The following DCAF5 variants were observed in gnomAD, a reference collection of about 807,000 sequenced individuals.
The protein encoded by DCAF5 is DDB1- and CUL4-associated factor 5.
DCAF5 carries 9 observed loss-of-function variants against 80.7 expected under a neutral mutation model. The ratio of observed to expected loss-of-function variants is 0.11; its 90% CI spans 0.07 to 0.19. The LOEUF (loss-of-function observed/expected upper bound fraction) is 0.19. DCAF5 is among the 10% of genes least tolerant of loss of function. The pLI is 1.00. For missense variants in DCAF5, 842 were observed against 1,205.7 expected, an observed-to-expected ratio of 0.70 and a Z score of 4.47; for synonymous variants, 433 against 461.9, an observed-to-expected ratio of 0.94 and a Z score of 0.80.
intron 5 of DCAF5, among the ~76,000 whole-genome samples, chr14:69,102,279 T>G (rs1343037195): frequency 1.3e-5 from 2 of 151,916 alleles, no homozygotes; most frequent in Admixed American, 1.3e-4. Flanking sequence ...CGGCTAATTT[T>G]TGTATTTTTA....
intron 1 of DCAF5, among the ~76,000 whole-genome samples, chr14:69,127,235 C>A (rs963491870): frequency 7.9e-5 from 12 of 152,182 alleles, no homozygotes; most frequent in Non-Finnish European, 1.2e-4. Context: ...TTAGAAGCAA[C>A]CAAGATGTCC....
At chr14:69,071,772 G>A (rs2038701566) in intron 7 of DCAF5, among the ~76,000 whole-genome samples, 2 of 152,172 alleles carry the variant, frequency 1.3e-5, no homozygotes, top group Admixed American at 1.3e-4. Flanking sequence ...GATGCATCCA[G>A]CCCACAGATA....
intron 5 of DCAF5, 116 bp from the exon 6 acceptor site, chr14:69,092,003 A>G: frequency 1.2e-6 from 1 of 852,654 alleles, no homozygotes; most frequent in Non-Finnish European, 1.8e-6. Flanking sequence ...CAGCAAAAGG[A>G]TATTTCTGTG....
At chr14:69,122,969 T>C (rs1421271579) in intron 1 of DCAF5, among the ~76,000 whole-genome samples, 1 of 152,216 alleles carries the variant, frequency 6.6e-6, no homozygotes, top group Non-Finnish European at 1.5e-5. Flanking sequence ...TTTTTACTTT[T>C]TACTTTTACT....
chr14:69,124,929 G>C (rs2040830828), intron 1 of DCAF5, among the ~76,000 whole-genome samples: 1 of 152,032 alleles, frequency 6.6e-6, no homozygotes, highest in Non-Finnish European at 1.5e-5. Flanking sequence ...AGTTAAAAGA[G>C]AGGCACACGT....
At chr14:69,094,119 G>A (rs1594983978) in intron 5 of DCAF5, among the ~76,000 whole-genome samples, 1 of 152,276 alleles carries the variant, frequency 6.6e-6, no homozygotes, top group East Asian at 1.9e-4. Flanking sequence ...AGGAGTTGGG[G>A]GTTGGAAACA....
intron 6 of DCAF5, among the ~76,000 whole-genome samples, chr14:69,087,120 A>G (rs2039358948): frequency 1.3e-5 from 2 of 152,198 alleles, no homozygotes; most frequent in Admixed American, 6.5e-5. Flanking sequence ...GAGCCATTCT[A>G]TTGGACTCAC....
At chr14:69,128,200 T>C (rs1038817188) in intron 1 of DCAF5, among the ~76,000 whole-genome samples, 3 of 151,666 alleles carry the variant, frequency 2.0e-5, no homozygotes, top group Non-Finnish European at 4.4e-5. Context: ...CTTCTTTTTT[T>C]TTTTTTTTGA....
chr14:69,098,543 T>C (rs1373287206), intron 5 of DCAF5, among the ~76,000 whole-genome samples: 1 of 152,072 alleles, frequency 6.6e-6, no homozygotes, highest in Non-Finnish European at 1.5e-5. Flanking sequence ...CATTTGATAA[T>C]CAGCTGTTGA....
At chr14:69,057,421 G>A (rs2038020304) in intron 8 of DCAF5, among the ~76,000 whole-genome samples, 1 of 151,704 alleles carries the variant, frequency 6.6e-6, no homozygotes, top group African/African-American at 2.4e-5. Context: ...GTGGTAAAAT[G>A]TCATTAACCA....
chr14:69,148,523 C>A (rs1363683952), intron 1 of DCAF5, among the ~76,000 whole-genome samples: 1 of 151,982 alleles, frequency 6.6e-6, no homozygotes, highest in Admixed American at 6.6e-5. Flanking sequence ...GGTGAAACCC[C>A]GTTTCTACTA....
intron 5 of DCAF5, among the ~76,000 whole-genome samples, chr14:69,108,598 G>C (rs2040245735): frequency 6.6e-6 from 1 of 152,122 alleles, no homozygotes; most frequent in Admixed American, 6.5e-5. Context: ...ATTTCAGCCA[G>C]GATGATTATA....
At chr14:69,119,290 C>T (rs1282152574) in intron 2 of DCAF5, 60 bp from the exon 3 acceptor site, 1 of 1,558,994 alleles carries the variant, frequency 6.4e-7, no homozygotes, top group Non-Finnish European at 8.7e-7. Context: ...GTCCACATTA[C>T]AATTTAGTAT....
intron 5 of DCAF5, among the ~76,000 whole-genome samples, chr14:69,107,561 C>T (rs76019739): frequency 0.011 from 1,693 of 152,110 alleles, 36 homozygotes; most frequent in African/African-American, 0.038. Flanking sequence ...ACCTGGTGTC[C>T]TCCAGTGGGC....
chr14:69,124,932 G>A (rs1044221576), intron 1 of DCAF5, among the ~76,000 whole-genome samples: 3 of 151,992 alleles, frequency 2.0e-5, no homozygotes, highest in African/African-American at 7.3e-5. Context: ...TAAAAGAGAG[G>A]CACACGTTTC....
chr14:69,110,504 G>A (rs1307091451), intron 5 of DCAF5, among the ~76,000 whole-genome samples: 3 of 151,718 alleles, frequency 2.0e-5, no homozygotes, highest in African/African-American at 7.3e-5. Flanking sequence ...TCCTGACCTT[G>A]TGATCCAACT....
chr14:69,094,205 A>G (rs1305954384), intron 5 of DCAF5, among the ~76,000 whole-genome samples: 1 of 152,146 alleles, frequency 6.6e-6, no homozygotes, highest in East Asian at 1.9e-4. Flanking sequence ...GGCATCCTTG[A>G]GAGGAAAGCT....
intron 1 of DCAF5, among the ~76,000 whole-genome samples, chr14:69,133,552 G>C (rs1377308134): frequency 6.7e-6 from 1 of 150,264 alleles, no homozygotes; most frequent in Non-Finnish European, 1.5e-5. Context: ...GCAGGGAAGA[G>C]GCGGGGGTAC....
At chr14:69,086,607 T>G in intron 6 of DCAF5, among the ~76,000 whole-genome samples, 1 of 141,522 alleles carries the variant, frequency 7.1e-6, no homozygotes, top group African/African-American at 2.7e-5. Context: ...TAATCAGGCG[T>G]GCATGGAGTT....
Sources: gnomAD v4.1 joint callset for allele counts (sites outside exome capture counted in the v4.1 genomes callset) on GRCh38, gnomAD v4.1.1 for gene constraint, MANE v1.5 for transcripts, NCBI Gene and HGNC (gene_info 2026-07-23, HGNC 2026-07-21) for gene names.